USP43: variants seen among roughly 807,000 people sequenced by gnomAD.
USP43 encodes the protein ubiquitin specific peptidase 43.
In USP43, 33 loss-of-function variants were observed where a neutral mutation model predicts 90.7. The ratio of observed to expected loss-of-function variants is 0.36; its 90% CI spans 0.28 to 0.49. The LOEUF (loss-of-function observed/expected upper bound fraction) is 0.49, where lower values mean the gene tolerates loss of function less well. Among genes scored for constraint, USP43 ranks in the 20% least tolerant of loss-of-function variants. The probability of loss-of-function intolerance (pLI) is 0.98; values close to 1 mark genes in which losing one functional copy is unlikely to be tolerated. For missense variants in USP43, 1,274 were observed against 1,476.4 expected (o/e 0.86, Z 2.25); for synonymous variants, 598 against 615.8 (o/e 0.97, Z 0.43).
intron 1 of USP43, among the ~76,000 whole-genome samples, chr17:9,647,271 C>T (rs1363300412): frequency 6.6e-6 from 1 of 151,990 alleles, no homozygotes. Flanking sequence ...ATGCCAACCC[C>T]CACCTTCCTC....
Position 9,686,010 on chromosome 17 carries a change from C to T in USP43, c.1242-788C>T, listed in dbSNP as rs910282340. 2.6e-5 allele frequency among the ~76,000 whole-genome samples: 4 copies of T among 152,200 alleles called. No individual in the cohort carries two copies. The highest frequency in any genetic ancestry group is 7.2e-5 in the African/African-American group (3 of 41,454). On this transcript the variant is annotated intron_variant, in intron 7 of 14. Coordinates refer to ENST00000285199, the MANE Select transcript of USP43 (RefSeq NM_153210.5). This position sits in a 1 kb window ranked among gnomAD's most constrained non-coding sequence, Gnocchi z 5.5. ...GTAGAACCACTATTCTACTCTACTT[C>T]TGTGACATTAACTTTTTTAGATTCC...
intron 12 of USP43, among the ~76,000 whole-genome samples, chr17:9,707,576 G>A (rs1421639333): frequency 6.6e-6 from 1 of 150,784 alleles, no homozygotes; most frequent in Non-Finnish European, 1.5e-5. Context: ...GAACCCGGGA[G>A]GTGGAGCTTG....
intron 9 of USP43, among the ~76,000 whole-genome samples, chr17:9,698,633 A>C (rs1484289297): frequency 3.9e-5 from 6 of 152,294 alleles, no homozygotes; most frequent in South Asian, 4.2e-4. Context: ...CCCTCTAGTG[A>C]CAATCTGATT....
chr17:9,675,129 T>C (rs1288943177), intron 4 of USP43, 146 bp downstream of exon 4: 1 of 716,886 alleles, frequency 1.4e-6, no homozygotes, highest in Non-Finnish European at 2.5e-6. Flanking sequence ...CTGGATGACA[T>C]TCAACTATTG....
At chr17:9,662,811 A>G (rs1250101595) in intron 2 of USP43, among the ~76,000 whole-genome samples, 1 of 148,718 alleles carries the variant, frequency 6.7e-6, no homozygotes. Context: ...TGTTTTGTAT[A>G]TATGATCTCT....
At chr17:9,681,191 A>AGTATACATT (rs1914187370) in intron 6 of USP43, among the ~76,000 whole-genome samples, 2 of 61,224 alleles carry the variant, frequency 3.3e-5, no homozygotes, top group African/African-American at 1.9e-4. Flanking sequence ...TATACTATAT[A>AGTATACATT]ATATATACTA....
intron 2 of USP43, among the ~76,000 whole-genome samples, chr17:9,665,931 C>T (rs945926983): frequency 1.3e-5 from 2 of 152,136 alleles, no homozygotes; most frequent in African/African-American, 2.4e-5. Context: ...CTAGAGCCTC[C>T]GGAGGGAGTG....
At chr17:9,645,505 C>T (rs1170261659), upstream of USP43, 4 of 947,544 alleles carry the variant, frequency 4.2e-6, no homozygotes, top group South Asian at 5.2e-5. The surrounding 1 kb of genome is among the most constrained non-coding windows in gnomAD (Gnocchi z 6.8). Context: ...TCCGCCTCCG[C>T]CCCGTCCCCG....
Position 9,728,906 on chromosome 17 carries a change from G to A in USP43, c.3288G>A (p.Gln1096=), listed in dbSNP as rs1246906313. The change falls in exon 15 of 15, where the codon CAG becomes CAA. Residue 1096 remains glutamine (Q), a synonymous_variant. Transcript: ENST00000285199. This position sits in a 1 kb window ranked among gnomAD's most constrained non-coding sequence, Gnocchi z 6.2. ...CACAAAGGACTGTTCCAGGGGAGCAGGCTTCTTATGGCACCTTTCAGAGAG... is the reference window on the plus strand; with the variant it reads ...CACAAAGGACTGTTCCAGGGGAGCAAGCTTCTTATGGCACCTTTCAGAGAG... ...GMSQRTVPGE[Q]ASYGTFQRVK... 1.9e-6 allele frequency: 3 copies of A among 1,612,666 alleles called. No homozygotes were observed. Among genetic ancestry groups the A allele is most frequent in the Non-Finnish European group, 2.5e-6 (3 of 1,179,180 alleles).
intron 2 of USP43, among the ~76,000 whole-genome samples, chr17:9,662,443 A>G (rs1912708518): frequency 6.6e-6 from 1 of 152,168 alleles, no homozygotes; most frequent in African/African-American, 2.4e-5. Context: ...CTCTCTGTGA[A>G]TGGAACGGGG....
Position 9,656,388 on chromosome 17 carries a change from C to T in USP43, c.505-15C>T, listed in dbSNP as rs1743124756. 1 of 1,608,678 alleles carries T rather than the reference C, an allele frequency of 6.2e-7. No individual in the cohort carries two copies. Among genetic ancestry groups the T allele is most frequent in the Non-Finnish European group, 8.5e-7 (1 of 1,177,610 alleles). Reference sequence around the variant, plus strand: ...GGGGCCAAATTCACCTCTCGATTTCCTTTTTTCCTTTCAGAATGCAGTTTC... The same window carrying T: ...GGGGCCAAATTCACCTCTCGATTTCTTTTTTTCCTTTCAGAATGCAGTTTC... On this transcript the variant is annotated splice_polypyrimidine_tract_variant and intron_variant, in intron 1 of 14. Transcript: ENST00000285199.
intron 8 of USP43, among the ~76,000 whole-genome samples, chr17:9,687,208 A>T (rs925608280): frequency 3.3e-5 from 5 of 150,604 alleles, no homozygotes; most frequent in South Asian, 2.1e-4. Flanking sequence ...TTAAAACGAA[A>T]TTTTTTTTTT....
chr17:9,680,393 A>T, intron 6 of USP43, 27 bp downstream of exon 6: 1 of 1,612,094 alleles, frequency 6.2e-7, no homozygotes, highest in East Asian at 2.2e-5. Flanking sequence ...GCACAATTTT[A>T]TTTGGCTATG....
At chr17:9,656,847 C>T (rs1388042996) in intron 2 of USP43, among the ~76,000 whole-genome samples, 1 of 152,210 alleles carries the variant, frequency 6.6e-6, no homozygotes, top group East Asian at 1.9e-4. Context: ...CATCCAAGGC[C>T]ATGAGTACCG....
chr17:9,727,957 G>T lies in USP43; in HGVS notation c.2339G>T (p.Gly780Val). 1 of 1,599,840 alleles carries T rather than the reference G, an allele frequency of 6.3e-7. No homozygotes were observed. Residue 780 changes from glycine to valine, a missense_variant, in exon 15 of 15, where the codon GGG becomes GTG. Gly to Val is a moderately radical substitution (Grantham distance 109). Around this residue, in one of 6 missense-constraint regions of USP43, gnomAD observed 285 missense variants for 349.6 expected, o/e 0.82. Transcript: ENST00000285199. ...TNSLCNQEKGGLEPRRLVRGV... is the reference protein window; with the variant it reads ...TNSLCNQEKGVLEPRRLVRGV... ...ACAGTCTCTCTGTCTCTTTCAGGAGGGTTGGAGCCCAGGCGTTTGGTACGG... is the reference window on the plus strand; with the variant it reads ...ACAGTCTCTCTGTCTCTTTCAGGAGTGTTGGAGCCCAGGCGTTTGGTACGG...
chr17:9,665,605 A>G (rs1912989945), intron 2 of USP43, among the ~76,000 whole-genome samples: 1 of 152,158 alleles, frequency 6.6e-6, no homozygotes, highest in Non-Finnish European at 1.5e-5. Context: ...GGGGATTACA[A>G]TTGAAGATGA....
At chr17:9,648,220 G>T (rs1911592814) in intron 1 of USP43, among the ~76,000 whole-genome samples, 1 of 152,272 alleles carries the variant, frequency 6.6e-6, no homozygotes, top group East Asian at 1.9e-4. Flanking sequence ...GGGATTTTTG[G>T]GTAGTCAGCT....
intron 12 of USP43, among the ~76,000 whole-genome samples, chr17:9,707,226 G>A (rs762184393): frequency 8.5e-5 from 13 of 152,108 alleles, no homozygotes; most frequent in South Asian, 2.1e-4. Flanking sequence ...TTACGTACGC[G>A]CACATGTGTG....
chr17:9,729,162 A>G lies in USP43; in HGVS notation c.*172A>G. ...TCCATATCTAGACTTCCAACACCCA[A>G]GGTCCATATAACCCAAGGTCGAAAA... On this transcript the variant is annotated 3_prime_UTR_variant, in exon 15 of 15. Transcript: ENST00000285199. The G allele has an allele frequency of 1.9e-6, 1 of 525,344 alleles. No individual in the cohort carries two copies. Among genetic ancestry groups the G allele is most frequent in the East Asian group, 3.4e-5 (1 of 29,068 alleles). The allele number at this position is 525,344 out of a possible 1,614,324, so 32.5% of individuals were successfully genotyped here.
Sources: allele counts gnomAD v4.1 joint callset (sites outside exome capture counted in the v4.1 genomes callset), GRCh38; gene constraint gnomAD v4.1.1; regional missense constraint gnomAD v4.1.1; non-coding constraint Gnocchi (gnomAD v3.1); transcripts MANE v1.5; gene names NCBI Gene and HGNC (gene_info 2026-07-23, HGNC 2026-07-21).